The following HSD17B12 variants were observed in gnomAD, a reference collection of about 807,000 sequenced individuals.
The protein encoded by HSD17B12 is hydroxysteroid 17-beta dehydrogenase 12, also known as very-long-chain 3-oxoacyl-CoA reductase.
HSD17B12 carries 32 observed loss-of-function variants against 39.3 expected under a neutral mutation model. That is an observed-to-expected ratio of 0.81 (90% CI 0.61 to 1.09). HSD17B12 has a LOEUF of 1.09. Among genes scored for constraint, HSD17B12 ranks in the 50% least tolerant of loss-of-function variants. The probability of loss-of-function intolerance (pLI) is 0.00; values close to 1 mark genes in which losing one functional copy is unlikely to be tolerated. For missense variants in HSD17B12, 342 were observed against 382.9 expected, an observed-to-expected ratio of 0.89 and a Z score of 0.89; for synonymous variants, 150 against 146.7, an observed-to-expected ratio of 1.02 and a Z score of -0.16.
intron 3 of HSD17B12, among the ~76,000 whole-genome samples, chr11:43,789,881 A>G (rs1950850804): frequency 6.6e-6 from 1 of 152,104 alleles, no homozygotes; most frequent in African/African-American, 2.4e-5. Context: ...GCAATGAGCC[A>G]TGACCGCGCC....
intron 1 of HSD17B12, among the ~76,000 whole-genome samples, chr11:43,698,900 A>T (rs940482356): frequency 6.6e-6 from 1 of 152,180 alleles, no homozygotes; most frequent in South Asian, 2.1e-4. Context: ...TCTTGATGTG[A>T]TTATCTAATA....
At chr11:43,847,056 A>G (rs1052868422) in intron 9 of HSD17B12, among the ~76,000 whole-genome samples, 1 of 147,462 alleles carries the variant, frequency 6.8e-6, no homozygotes, top group South Asian at 2.2e-4. Context: ...AAACTAAAAA[A>G]GAGTGATATG....
intron 3 of HSD17B12, among the ~76,000 whole-genome samples, chr11:43,772,379 A>G (rs1950658587): frequency 6.6e-6 from 1 of 152,224 alleles, no homozygotes; most frequent in African/African-American, 2.4e-5. Flanking sequence ...GCAAATGATG[A>G]GTTAAAAATT....
At chr11:43,838,100 A>G in intron 7 of HSD17B12, 1 of 538,084 alleles carries the variant, frequency 1.9e-6, no homozygotes, top group Non-Finnish European at 3.3e-6. Flanking sequence ...AGACTGGGAA[A>G]TGAGCTAATC....
At chr11:43,725,516 CAG>C (rs1950213130) in intron 1 of HSD17B12, among the ~76,000 whole-genome samples, 1 of 152,136 alleles carries the variant, frequency 6.6e-6, no homozygotes, top group African/African-American at 2.4e-5. Context: ...GTGGCTTAAA[CAG>C]ATAAGGATTT....
At chr11:43,711,474 G>GTTT (rs199831295) in intron 1 of HSD17B12, among the ~76,000 whole-genome samples, 2 of 129,612 alleles carry the variant, frequency 1.5e-5, no homozygotes, top group Non-Finnish European at 3.4e-5. Context: ...TGGTTGGTTG[G>GTTT]TTTTTTTTTT....
At chr11:43,787,896 G>T (rs1305658871) in intron 3 of HSD17B12, among the ~76,000 whole-genome samples, 1 of 152,078 alleles carries the variant, frequency 6.6e-6, no homozygotes, top group Admixed American at 6.5e-5. Context: ...CAAAGTGGGA[G>T]ATCCAGACCT....
At chr11:43,684,295 G>A (rs1452218677) in intron 1 of HSD17B12, among the ~76,000 whole-genome samples, 1 of 152,224 alleles carries the variant, frequency 6.6e-6, no homozygotes, top group Non-Finnish European at 1.5e-5. Context: ...TGAATGTGGA[G>A]TTTCAGGTGT....
chr11:43,687,105 T>C (rs972922142), intron 1 of HSD17B12, among the ~76,000 whole-genome samples: 8 of 152,254 alleles, frequency 5.3e-5, no homozygotes, highest in Admixed American at 3.3e-4. Context: ...TCAGTGCCAT[T>C]AAAAGCTATT....
intron 1 of HSD17B12, 158 bp downstream of exon 1, chr11:43,681,145 C>T: frequency 7.1e-7 from 1 of 1,416,828 alleles, no homozygotes; most frequent in South Asian, 1.5e-5. Context: ...GCTCCCTTGG[C>T]TGTCTTCTGC....
chr11:43,714,050 A>G (rs1950096771), intron 1 of HSD17B12, among the ~76,000 whole-genome samples: 1 of 152,114 alleles, frequency 6.6e-6, no homozygotes, highest in African/African-American at 2.4e-5. Context: ...CAGATTGCAA[A>G]AGTTTTCTCC....
chr11:43,776,020 G>C (rs2134997976), intron 3 of HSD17B12, among the ~76,000 whole-genome samples: 1 of 152,248 alleles, frequency 6.6e-6, no homozygotes, highest in Middle Eastern at 3.4e-3. Flanking sequence ...GGACATTTGG[G>C]TTGGTTCCAA....
At chr11:43,623,254 A>G in the HSD17B12 span, among the ~76,000 whole-genome samples, 9 of 152,292 alleles carry the variant, frequency 5.9e-5, no homozygotes, top group Admixed American at 1.3e-4. Context: ...GTCTTCCTTT[A>G]TCAGTATAGC....
At chr11:43,833,038 A>C (rs1285886077) in intron 7 of HSD17B12, 4 of 19,966 alleles carry the variant, frequency 2.0e-4, no homozygotes, top group East Asian at 2.2e-3. Flanking sequence ...GTCTCAAAAA[A>C]AAAAAAAAAA....
At chr11:43,779,291 A>G (rs967124486) in intron 3 of HSD17B12, among the ~76,000 whole-genome samples, 4 of 152,222 alleles carry the variant, frequency 2.6e-5, no homozygotes, top group African/African-American at 9.6e-5. Flanking sequence ...GCATTTATCA[A>G]TTCTTCTTAT....
intron 6 of HSD17B12, chr11:43,829,814 G>C (rs1022290187): frequency 4.6e-5 from 7 of 151,924 alleles, no homozygotes; most frequent in Admixed American, 2.6e-4. Context: ...AATGCTGGGG[G>C]AACTCTTTAT....
intron 3 of HSD17B12, among the ~76,000 whole-genome samples, chr11:43,770,326 A>G (rs750114198): frequency 2.6e-5 from 4 of 152,190 alleles, no homozygotes; most frequent in Non-Finnish European, 5.9e-5. Flanking sequence ...TGTCCTTTAG[A>G]TGGGAATGCT....
At chr11:43,559,408 C>T in the HSD17B12 span, among the ~76,000 whole-genome samples, 2 of 152,182 alleles carry the variant, frequency 1.3e-5, no homozygotes, top group Non-Finnish European at 2.9e-5. Flanking sequence ...CCCCGGAGAT[C>T]CATGGAAAGA....
the HSD17B12 span, among the ~76,000 whole-genome samples, chr11:43,665,761 A>T: frequency 2.6e-5 from 4 of 152,292 alleles, no homozygotes; most frequent in Admixed American, 1.3e-4. Context: ...CTACACACGC[A>T]CACACGCGCA....
Sources: gnomAD v4.1 joint callset for allele counts (sites outside exome capture counted in the v4.1 genomes callset) on GRCh38, gnomAD v4.1.1 for gene constraint, MANE v1.5 for transcripts, NCBI Gene and HGNC (gene_info 2026-07-23, HGNC 2026-07-21) for gene names.